Variants in MGAT5 observed in about 807,000 individuals in gnomAD.
MGAT5 encodes alpha-1,6-mannosylglycoprotein 6-beta-N-acetylglucosaminyltransferase, also known as alpha-1,6-mannosylglycoprotein 6-beta-N-acetylglucosaminyltransferase A.
Under a neutral mutation model 94.3 loss-of-function variants are expected in MGAT5, and 30 were observed. That is an observed-to-expected ratio of 0.32 (90% CI 0.24 to 0.43). MGAT5 has a LOEUF of 0.43. Among genes scored for constraint, MGAT5 ranks in the 20% least tolerant of loss-of-function variants. The pLI is 1.00. For missense variants in MGAT5, 691 were observed against 905.5 expected, an observed-to-expected ratio of 0.76 and a Z score of 3.04; for synonymous variants, 310 against 322.9, an observed-to-expected ratio of 0.96 and a Z score of 0.43.
chr2:134,361,996 G>A (rs911789448), intron 9 of MGAT5, among the ~76,000 whole-genome samples: 5 of 152,156 alleles, frequency 3.3e-5, no homozygotes, highest in African/African-American at 1.2e-4. Context: ...ACAAGGAAGA[G>A]AGTACACAGC....
At chr2:134,223,355 G>A (rs1407262257) in intron 1 of MGAT5, among the ~76,000 whole-genome samples, 1 of 152,198 alleles carries the variant, frequency 6.6e-6, no homozygotes, top group Non-Finnish European at 1.5e-5. Context: ...CAGAGCATTA[G>A]CAGTGAAACA....
At chr2:134,392,033 T>G (rs893277761) in intron 10 of MGAT5, among the ~76,000 whole-genome samples, 1 of 152,198 alleles carries the variant, frequency 6.6e-6, no homozygotes, top group Admixed American at 6.5e-5. Context: ...TGTGTCGTGT[T>G]GGCATTGGTA....
chr2:134,250,263 C>A (rs1682515854), upstream of MGAT5, among the ~76,000 whole-genome samples: 1 of 152,160 alleles, frequency 6.6e-6, no homozygotes, highest in East Asian at 1.9e-4. Flanking sequence ...AAGTCACGGC[C>A]ATGAGCTGAC....
chr2:134,365,047 G>A (rs1013030133), intron 10 of MGAT5, among the ~76,000 whole-genome samples: 7 of 152,082 alleles, frequency 4.6e-5, no homozygotes, highest in South Asian at 2.1e-4. Flanking sequence ...ACCCAATCCC[G>A]ATTCACCTCA....
At chr2:134,276,226 G>GAAA (rs1684363777) in intron 2 of MGAT5, among the ~76,000 whole-genome samples, 1 of 148,784 alleles carries the variant, frequency 6.7e-6, no homozygotes, top group Non-Finnish European at 1.5e-5. Context: ...GGCCTCCAAG[G>GAAA]AAAGAGATTT....
chr2:134,377,092 T>C (rs1401839233), intron 10 of MGAT5, among the ~76,000 whole-genome samples: 1 of 152,256 alleles, frequency 6.6e-6, no homozygotes, highest in Admixed American at 6.5e-5. Flanking sequence ...TAGTCAGCTA[T>C]GTCTGGGAAC....
At chr2:134,431,354 T>C in intron 14 of MGAT5, among the ~76,000 whole-genome samples, 1 of 152,156 alleles carries the variant, frequency 6.6e-6, no homozygotes, top group East Asian at 1.9e-4. Flanking sequence ...TCTCCAAATG[T>C]TCCTAAATGA....
intron 1 of MGAT5, among the ~76,000 whole-genome samples, chr2:134,245,410 A>G (rs748366150): frequency 6.6e-6 from 1 of 152,172 alleles, no homozygotes; most frequent in African/African-American, 2.4e-5. Context: ...CTCATAGAAC[A>G]TGTGAAGATC....
intron 4 of MGAT5, among the ~76,000 whole-genome samples, chr2:134,324,711 A>G (rs1453642295): frequency 2.0e-5 from 3 of 152,122 alleles, no homozygotes; most frequent in Non-Finnish European, 2.9e-5. Flanking sequence ...TGCTTAGGTT[A>G]CAGGACAAAA....
At chr2:134,247,885 T>C (rs1011579670) in intron 1 of MGAT5, among the ~76,000 whole-genome samples, 1 of 152,310 alleles carries the variant, frequency 6.6e-6, no homozygotes, top group Middle Eastern at 3.4e-3. Context: ...AGGTCTTATT[T>C]TCTGTGATCT....
intron 1 of MGAT5, among the ~76,000 whole-genome samples, chr2:134,131,282 G>A (rs1247522980): frequency 6.6e-6 from 1 of 152,188 alleles, no homozygotes; most frequent in Non-Finnish European, 1.5e-5. Flanking sequence ...CATTCTTGAA[G>A]TCAATGAGAC....
At chr2:134,193,039 CT>C (rs1309504661) in intron 1 of MGAT5, among the ~76,000 whole-genome samples, 1 of 151,242 alleles carries the variant, frequency 6.6e-6, no homozygotes, top group Non-Finnish European at 1.5e-5. Flanking sequence ...GTATTTTGGT[CT>C]ATTAGAAAAA....
intron 1 of MGAT5, among the ~76,000 whole-genome samples, chr2:134,160,278 A>G (rs1687670644): frequency 6.6e-6 from 1 of 151,884 alleles, no homozygotes; most frequent in South Asian, 2.1e-4. Flanking sequence ...GGTTCATGCC[A>G]CTCTCCTGCA....
chr2:134,362,198 C>A, intron 9 of MGAT5, 77 bp from the exon 10 acceptor site: 1 of 1,518,114 alleles, frequency 6.6e-7, no homozygotes. Context: ...GGTAAGATGG[C>A]CTGTGTTAAA....
intron 11 of MGAT5, among the ~76,000 whole-genome samples, chr2:134,409,303 A>G (rs1683515769): frequency 6.6e-6 from 1 of 152,168 alleles, no homozygotes; most frequent in African/African-American, 2.4e-5. Context: ...TTACACATGA[A>G]AACTCTGAGG....
intron 2 of MGAT5, among the ~76,000 whole-genome samples, chr2:134,311,825 C>G (rs150553565): frequency 1.3e-5 from 2 of 152,116 alleles, no homozygotes; most frequent in Non-Finnish European, 2.9e-5. Flanking sequence ...AAGAAATGGA[C>G]GATAGCATCT....
intron 1 of MGAT5, among the ~76,000 whole-genome samples, chr2:134,192,211 G>T (rs1679258924): frequency 6.6e-6 from 1 of 151,354 alleles, no homozygotes; most frequent in South Asian, 2.1e-4. Context: ...CTGCTTGCGC[G>T]AGCGGGTTCC....
intron 1 of MGAT5, among the ~76,000 whole-genome samples, chr2:134,173,954 C>G (rs1162226725): frequency 1.1e-4 from 17 of 152,220 alleles, no homozygotes; most frequent in African/African-American, 1.2e-4. Context: ...TGTTCTCCCC[C>G]ACCCAGGTTA....
upstream of MGAT5, among the ~76,000 whole-genome samples, chr2:134,250,328 C>A (rs566010725): frequency 1.4e-4 from 22 of 152,316 alleles, no homozygotes; most frequent in African/African-American, 4.6e-4. Context: ...TCCCACTGTG[C>A]CCATTGGATG....
Sources: gnomAD v4.1 joint callset for allele counts (sites outside exome capture counted in the v4.1 genomes callset) on GRCh38, gnomAD v4.1.1 for gene constraint, MANE v1.5 for transcripts, NCBI Gene and HGNC (gene_info 2026-07-23, HGNC 2026-07-21) for gene names.